AFG2B: variants seen among roughly 807,000 people sequenced by gnomAD.
The protein encoded by AFG2B is ATPase family gene 2 protein homolog B.
the AFG2B span, chr15:45,420,988 A>G: frequency 1.9e-6 from 3 of 1,565,506 alleles, no homozygotes; most frequent in African/African-American, 2.8e-5. Flanking sequence ...GCAAAACTCC[A>G]TCTCAAAGAA....
chr15:45,408,077 C>T, the AFG2B span, among the ~76,000 whole-genome samples: 1,435 of 152,260 alleles, frequency 9.4e-3, 18 homozygotes, highest in African/African-American at 0.033. Flanking sequence ...ATGAACAAAT[C>T]TTACAAATCA....
chr15:45,402,456 T>C, the AFG2B span: 1 of 1,605,914 alleles, frequency 6.2e-7, no homozygotes, highest in Non-Finnish European at 8.5e-7. Flanking sequence ...ATCCCTTCCC[T>C]GAAGGGCCGC....
the AFG2B span, chr15:45,407,150 C>A: frequency 2.3e-6 from 3 of 1,284,696 alleles, no homozygotes; most frequent in Non-Finnish European, 3.0e-6. Flanking sequence ...CAGGTGATGG[C>A]TGAGTTCAGA....
the AFG2B span, chr15:45,414,606 TG>T: frequency 6.2e-7 from 1 of 1,614,172 alleles, no homozygotes; most frequent in Non-Finnish European, 8.5e-7. Flanking sequence ...CTTGGGAATT[TG>T]TTAGAATGGG....
the AFG2B span, chr15:45,403,251 G>T: frequency 6.3e-7 from 1 of 1,581,320 alleles, no homozygotes. Context: ...AGGGTTCCCG[G>T]CCTGGGGAGA....
chr15:45,418,596 C>G, the AFG2B span: 2 of 1,613,082 alleles, frequency 1.2e-6, no homozygotes, highest in Non-Finnish European at 1.7e-6. Flanking sequence ...AAAAACCATG[C>G]CAATAGGGCC....
chr15:45,410,633 C>CAT, the AFG2B span: 4 of 1,063,036 alleles, frequency 3.8e-6, no homozygotes, highest in African/African-American at 1.6e-5. Context: ...GCTCCTATCA[C>CAT]TAATGTGATC....
the AFG2B span, among the ~76,000 whole-genome samples, chr15:45,405,913 G>A: frequency 1.3e-5 from 2 of 152,072 alleles, no homozygotes; most frequent in Admixed American, 1.3e-4. Flanking sequence ...TGTAACATTT[G>A]CCACATTTGC....
chr15:45,418,369 A>G, the AFG2B span, among the ~76,000 whole-genome samples: 6 of 151,020 alleles, frequency 4.0e-5, no homozygotes, highest in Admixed American at 1.3e-4. Context: ...AAAAAGATTC[A>G]TAAGTTTTTT....
At chr15:45,418,737 A>G in the AFG2B span, 2 of 1,595,432 alleles carry the variant, frequency 1.3e-6, no homozygotes, top group East Asian at 4.5e-5. Context: ...ATCTTTTCAA[A>G]TCTTCATTCA....
the AFG2B span, chr15:45,417,521 A>G: frequency 2.1e-6 from 2 of 943,478 alleles, no homozygotes; most frequent in East Asian, 2.6e-5. Context: ...GTGGCCTTTC[A>G]TGACATCATA....
At chr15:45,421,075 A>G in the AFG2B span, 1 of 1,612,946 alleles carries the variant, frequency 6.2e-7, no homozygotes, top group Non-Finnish European at 8.5e-7. Context: ...AAAATGGACT[A>G]GACGCAACTA....
chr15:45,413,179 C>T, the AFG2B span, among the ~76,000 whole-genome samples: 1 of 152,166 alleles, frequency 6.6e-6, no homozygotes, highest in South Asian at 2.1e-4. Flanking sequence ...TCTGGCCACC[C>T]TCTCCCCTCC....
At chr15:45,410,366 C>T in the AFG2B span, 1 of 1,609,030 alleles carries the variant, frequency 6.2e-7, no homozygotes, top group South Asian at 1.1e-5. Context: ...GGGTGTATTT[C>T]TTCAGAACCA....
chr15:45,402,453 C>A, the AFG2B span: 4 of 1,605,578 alleles, frequency 2.5e-6, no homozygotes. Context: ...CGGATCCCTT[C>A]CCTGAAGGGC....
chr15:45,410,803 C>T, the AFG2B span, among the ~76,000 whole-genome samples: 24 of 152,248 alleles, frequency 1.6e-4, no homozygotes, highest in Middle Eastern at 3.4e-3. Flanking sequence ...TGTCTATAAT[C>T]CCAGCACTTT....
chr15:45,418,522 T>C, the AFG2B span: 7 of 1,552,460 alleles, frequency 4.5e-6, no homozygotes, highest in African/African-American at 2.8e-5. Flanking sequence ...ATAAATGTTA[T>C]AAGATTTAAA....
chr15:45,415,511 A>AAC, the AFG2B span: 3 of 1,329,434 alleles, frequency 2.3e-6, no homozygotes, highest in Non-Finnish European at 3.1e-6. Context: ...AAAAAAAAAA[A>AAC]ACAGGATTAT....
At chr15:45,407,842 T>C in the AFG2B span, among the ~76,000 whole-genome samples, 1 of 152,294 alleles carries the variant, frequency 6.6e-6, no homozygotes, top group Admixed American at 6.5e-5. Flanking sequence ...TTTCAGGACT[T>C]TTTAACTAAC....
Sources: gnomAD v4.1 joint callset for allele counts (sites outside exome capture counted in the v4.1 genomes callset) on GRCh38, gnomAD v4.1.1 for gene constraint, MANE v1.5 for transcripts, NCBI Gene and HGNC (gene_info 2026-07-23, HGNC 2026-07-21) for gene names.